Variants in COPB2 observed in about 807,000 individuals in gnomAD.
COPB2 encodes the protein coatomer subunit beta'.
Under a neutral mutation model 120.8 loss-of-function variants are expected in COPB2, and 16 were observed. That is an observed-to-expected ratio of 0.13 (90% CI 0.09 to 0.20). COPB2 has a LOEUF of 0.20. Ranked by LOEUF, COPB2 falls within the 10% of genes least tolerant of loss-of-function variation. The pLI, the probability that COPB2 is intolerant of heterozygous loss-of-function variation, is 1.00. For missense variants in COPB2, 794 were observed against 1,076.5 expected (o/e 0.74, Z 3.67); for synonymous variants, 332 against 366.3 (o/e 0.91, Z 1.07).
chr3:139,363,013 C>T (rs1459966010), intron 15 of COPB2, among the ~76,000 whole-genome samples: 3 of 152,126 alleles, frequency 2.0e-5, no homozygotes, highest in Non-Finnish European at 2.9e-5. Flanking sequence ...GCCAAAGAAA[C>T]GGGAGTCAAA....
Position 139,369,208 on chromosome 3 carries a change from G to C in COPB2, c.1401+53C>G, listed in dbSNP as rs541238760. ...GACACTTCTTGGCCTTAGGGACCCAGAACTCATCACAAAAATAAATATTCC... is the reference window on the plus strand; with the variant it reads ...GACACTTCTTGGCCTTAGGGACCCACAACTCATCACAAAAATAAATATTCC... On this transcript the variant is annotated intron_variant, in intron 12 of 21. Transcript: ENST00000333188. 3 of 1,460,820 alleles carry C rather than the reference G, an allele frequency of 2.1e-6. No homozygotes were observed. The African/African-American group carries it at 4.2e-5, about 21-fold the overall frequency. The allele number at this position is 1,460,820 out of a possible 1,614,324, so 90.5% of individuals were successfully genotyped here.
chr3:139,371,854 G>C (rs201041201), intron 9 of COPB2, 21 bp from the exon 10 acceptor site: 9 of 1,601,136 alleles, frequency 5.6e-6, no homozygotes, highest in South Asian at 1.1e-5. Context: ...CAGAAGCCAG[G>C]GAGGGAAGTA....
At chr3:139,369,571 T>C in intron 10 of COPB2, 27 bp from the exon 11 acceptor site, 2 of 1,360,590 alleles carry the variant, frequency 1.5e-6, no homozygotes, top group South Asian at 2.5e-5. Flanking sequence ...AAGGCAAACA[T>C]AACATGTTAT....
intron 13 of COPB2, 123 bp downstream of exon 13, chr3:139,368,022 T>C: frequency 1.0e-6 from 1 of 970,646 alleles, no homozygotes; most frequent in Non-Finnish European, 1.4e-6. Context: ...TCACCAGAAA[T>C]CCTTAAATGC....
At chr3:139,369,901 A>G (rs1941590322) in intron 10 of COPB2, among the ~76,000 whole-genome samples, 1 of 152,258 alleles carries the variant, frequency 6.6e-6, no homozygotes, top group South Asian at 2.1e-4. Flanking sequence ...CCAGGCAAGA[A>G]TATGGATGAA....
At chr3:139,383,253 C>A (rs1389950816) in intron 2 of COPB2, 45 bp downstream of exon 2, 1 of 1,595,464 alleles carries the variant, frequency 6.3e-7, no homozygotes, top group Admixed American at 1.7e-5. Context: ...TAAACACAGT[C>A]TCACATAGTA....
chr3:139,389,453 C>G, intron 1 of COPB2, 95 bp downstream of exon 1: 2 of 1,422,772 alleles, frequency 1.4e-6, no homozygotes, highest in Non-Finnish European at 1.9e-6. Context: ...CAGCGGGAGC[C>G]CAGACCACTG....
At chr3:139,366,151 G>A (rs1159686125) in intron 15 of COPB2, among the ~76,000 whole-genome samples, 1 of 152,136 alleles carries the variant, frequency 6.6e-6, no homozygotes, top group East Asian at 1.9e-4. Flanking sequence ...CTTAAGCTTT[G>A]CAAAACTTAC....
At chr3:139,364,704 A>C (rs1941484363) in intron 15 of COPB2, among the ~76,000 whole-genome samples, 1 of 152,232 alleles carries the variant, frequency 6.6e-6, no homozygotes, top group South Asian at 2.1e-4. Flanking sequence ...TCATTGGCTA[A>C]AGATACTGAC....
intron 1 of COPB2, among the ~76,000 whole-genome samples, chr3:139,385,860 T>C (rs1941909936): frequency 6.6e-6 from 1 of 152,240 alleles, no homozygotes; most frequent in Non-Finnish European, 1.5e-5. Context: ...GAGAAAAGAC[T>C]GATTTAAAAT....
chr3:139,387,099 T>A (rs1457833595), intron 1 of COPB2, among the ~76,000 whole-genome samples: 2 of 150,952 alleles, frequency 1.3e-5, no homozygotes, highest in African/African-American at 4.9e-5. Flanking sequence ...CAGTCCCAGC[T>A]ACTCGGCAGG....
chr3:139,364,755 T>C (rs1576370981), intron 15 of COPB2, among the ~76,000 whole-genome samples: 1 of 152,182 alleles, frequency 6.6e-6, no homozygotes, highest in Non-Finnish European at 1.5e-5. Flanking sequence ...ACACCAGATA[T>C]TGTGAAATCC....
At chr3:139,360,610 G>A (rs1941400808) in intron 17 of COPB2, among the ~76,000 whole-genome samples, 1 of 151,576 alleles carries the variant, frequency 6.6e-6, no homozygotes, top group Admixed American at 6.6e-5. Context: ...ATGCTAACTC[G>A]GTTAGACTTA....
chr3:139,374,879 T>G (rs1941687953), intron 6 of COPB2, among the ~76,000 whole-genome samples: 1 of 152,186 alleles, frequency 6.6e-6, no homozygotes, highest in African/African-American at 2.4e-5. Flanking sequence ...GATAATAGAT[T>G]TCCCCCTTAA....
rs774360474 is a variant in COPB2 at position 139,374,601 on chromosome 3, C to T, written c.652-13G>A. The T allele has an allele frequency of 1.2e-6, 2 of 1,601,822 alleles. No homozygotes were observed. Among genetic ancestry groups the T allele is most frequent in the Non-Finnish European group, 1.7e-6 (2 of 1,170,062 alleles). ...CACATGTTTTATTCTGTAATTAAGA[C>T]ATAGAAAACATGTTTTATTAATGAA... On this transcript the variant is annotated splice_polypyrimidine_tract_variant and intron_variant, in intron 6 of 21. Coordinates refer to ENST00000333188, the MANE Select transcript of COPB2 (RefSeq NM_004766.3).
intron 1 of COPB2, 45 bp downstream of exon 1, chr3:139,389,503 C>G (rs1322388425): frequency 6.5e-7 from 1 of 1,540,610 alleles, no homozygotes; most frequent in Admixed American, 1.8e-5. Context: ...AGGAATCGGC[C>G]GTAACCTATG....
chr3:139,371,900 T>C (rs1941630875), intron 9 of COPB2, 67 bp from the exon 10 acceptor site: 4 of 1,073,014 alleles, frequency 3.7e-6, no homozygotes. Flanking sequence ...TAAGGAACAA[T>C]AATTCATGTT....
chr3:139,370,461 C>T (rs1357234498), intron 10 of COPB2, among the ~76,000 whole-genome samples: 3 of 152,326 alleles, frequency 2.0e-5, no homozygotes, highest in Admixed American at 6.5e-5. Flanking sequence ...ACACAGTTGA[C>T]TGTGGGTAAC....
Position 139,359,372 on chromosome 3 carries a change from A to G in COPB2, c.2211-10T>C, listed in dbSNP as rs1941367104. On this transcript the variant is annotated splice_polypyrimidine_tract_variant and intron_variant, in intron 17 of 21. Coordinates refer to ENST00000333188, the MANE Select transcript of COPB2 (RefSeq NM_004766.3). Reference sequence around the variant, plus strand: ...TAGGCAGGCATCAACCCTAAACATTAAAAAGGAGAGGTACTGTTACCAAGA... The same window carrying G: ...TAGGCAGGCATCAACCCTAAACATTGAAAAGGAGAGGTACTGTTACCAAGA... 6.2e-7 allele frequency: 1 copy of G among 1,610,622 alleles called. No homozygotes were observed. The highest frequency in any genetic ancestry group is 8.5e-7 in the Non-Finnish European group (1 of 1,177,494).
Sources: gnomAD v4.1 joint callset for allele counts (sites outside exome capture counted in the v4.1 genomes callset) on GRCh38, gnomAD v4.1.1 for gene constraint, MANE v1.5 for transcripts, NCBI Gene and HGNC (gene_info 2026-07-23, HGNC 2026-07-21) for gene names.